DMXL2: variants seen among roughly 807,000 people sequenced by gnomAD.
The protein encoded by DMXL2 is Dmx like 2.
In DMXL2, 103 loss-of-function variants were observed where a neutral mutation model predicts 331.1. The observed-to-expected ratio is 0.31, with a 90% confidence interval of 0.27 to 0.37. The LOEUF is 0.37. DMXL2 is among the 10% of genes least tolerant of loss of function. The pLI is 1.00. For synonymous variants in DMXL2, 1,281 were observed against 1,252.1 expected (o/e 1.02, Z -0.49); for missense variants, 3,171 against 3,642.9 (o/e 0.87, Z 3.33).
chr15:51,513,761 G>T (rs1289308307), intron 15 of DMXL2, among the ~76,000 whole-genome samples: 1 of 151,938 alleles, frequency 6.6e-6, no homozygotes, highest in Non-Finnish European at 1.5e-5. Flanking sequence ...TTAAAGACAT[G>T]GCTTTTCAAA....
chr15:51,526,351 G>A (rs757638238), intron 13 of DMXL2, among the ~76,000 whole-genome samples: 1 of 152,174 alleles, frequency 6.6e-6, no homozygotes, highest in Non-Finnish European at 1.5e-5. Flanking sequence ...TAATGGGCTT[G>A]GGGTCCCCCC....
chr15:51,620,428 GAGT>G (rs1391482867), intron 1 of DMXL2, among the ~76,000 whole-genome samples: 7 of 152,298 alleles, frequency 4.6e-5, no homozygotes, highest in Admixed American at 4.6e-4. Flanking sequence ...ATGCAGTTTA[GAGT>G]AAGAAGATCA....
intron 1 of DMXL2, among the ~76,000 whole-genome samples, chr15:51,590,653 A>G (rs1231465254): frequency 6.6e-6 from 1 of 152,042 alleles, no homozygotes; most frequent in Non-Finnish European, 1.5e-5. Context: ...TCAGCCTCCC[A>G]AGTAGCTGAA....
chr15:51,465,441 C>T, intron 31 of DMXL2, 125 bp downstream of exon 31: 1 of 749,298 alleles, frequency 1.3e-6, no homozygotes, highest in South Asian at 1.6e-5. Flanking sequence ...ATAAACAAGA[C>T]TTTATAAAAT....
Position 51,605,701 on chromosome 15 carries a change from G to A in DMXL2, c.87+16758C>T, listed in dbSNP as rs1471767748. Reference sequence around the variant, plus strand: ...TGGGACTACAGGCGCCCGCCACCGCGCCCGGCTAATATTTTGTATTTTTAG... The same window carrying A: ...TGGGACTACAGGCGCCCGCCACCGCACCCGGCTAATATTTTGTATTTTTAG... On this transcript the variant is annotated intron_variant, in intron 1 of 43. Coordinates refer to ENST00000560891, the MANE Select transcript of DMXL2 (RefSeq NM_001378457.1). 4.5e-4 allele frequency among the ~76,000 whole-genome samples: 45 copies of A among 98,994 alleles called. 11 individuals are homozygous for A. The highest frequency in any genetic ancestry group is 3.4e-3 in the Admixed American group (32 of 9,324). 64.9% of individuals were successfully genotyped at this position (98,994 alleles called of 152,430 possible).
intron 13 of DMXL2, among the ~76,000 whole-genome samples, chr15:51,524,918 G>T (rs79631934): frequency 3.9e-4 from 60 of 152,046 alleles, no homozygotes; most frequent in African/African-American, 1.3e-3. Context: ...AGGCGGGATG[G>T]CTAAAAAAGT....
intron 1 of DMXL2, among the ~76,000 whole-genome samples, chr15:51,604,374 T>G (rs1403430821): frequency 6.9e-6 from 1 of 145,140 alleles, no homozygotes; most frequent in Admixed American, 6.8e-5. Context: ...AGTGTGGATA[T>G]CTACACTGAA....
chr15:51,551,495 T>C (rs568918011), intron 6 of DMXL2, among the ~76,000 whole-genome samples: 2 of 152,368 alleles, frequency 1.3e-5, no homozygotes, highest in Admixed American at 6.5e-5. Context: ...TATATTTTAC[T>C]ATGTTTCATA....
chr15:51,549,639 G>T (rs1447849106), intron 6 of DMXL2, among the ~76,000 whole-genome samples: 1 of 151,930 alleles, frequency 6.6e-6, no homozygotes, highest in Non-Finnish European at 1.5e-5. Context: ...TTGGTTTTTT[G>T]ATTATGGCCA....
At chr15:51,575,356 A>T (rs1177928195) in intron 2 of DMXL2, among the ~76,000 whole-genome samples, 1 of 152,170 alleles carries the variant, frequency 6.6e-6, no homozygotes, top group East Asian at 1.9e-4. Context: ...TGTTACAATG[A>T]TTACAGGTAA....
intron 37 of DMXL2, 57 bp downstream of exon 37, chr15:51,457,271 C>A (rs919386553): frequency 1.3e-6 from 2 of 1,568,892 alleles, no homozygotes; most frequent in African/African-American, 1.4e-5. Context: ...CAAAGAGATT[C>A]CAACTGATTT....
rs568116521 is a variant in DMXL2, at chr15:51,500,052, C to T, written c.3172G>A (p.Gly1058Arg). 1.2e-6 allele frequency: 2 copies of T among 1,614,104 alleles called. No individual in the cohort carries two copies. Among genetic ancestry groups the T allele is most frequent in the African/African-American group, 2.7e-5 (2 of 75,042 alleles). The change falls in exon 18 of 44, where the codon GGA becomes AGA. Residue 1058 changes from glycine (G) to arginine (R), a missense_variant. Gly to Arg is a moderately radical substitution (Grantham distance 125, BLOSUM62 -2). This residue lies in a region of DMXL2 where 1,674 missense variants were observed against 1,780.2 expected (regional missense o/e 0.94). Coordinates refer to ENST00000560891, the MANE Select transcript of DMXL2 (RefSeq NM_001378457.1). ...CTCACTGTACTGCTATTATCTTCTC[C>T]TTCATCATTCATCAAAGGCCATCTC... The part of the protein sequence containing the change: ...WKRWPLMNDE[G>R]EDNSSTVSIV...
intron 2 of DMXL2, among the ~76,000 whole-genome samples, chr15:51,573,661 TG>T (rs2050817637): frequency 1.3e-5 from 2 of 149,346 alleles, no homozygotes; most frequent in Non-Finnish European, 1.5e-5. Context: ...ACATGGACAC[TG>T]GGGGAAACAT....
rs544640604 is a variant in DMXL2 at position 51,516,380 on chromosome 15, T to C, written c.2526+698A>G. Reference sequence around the variant, plus strand: ...TAAAAAGTATATGTCCACTTGAATCTGACTTTCATCTGCATTTTAAAGGAC... The same window carrying C: ...TAAAAAGTATATGTCCACTTGAATCCGACTTTCATCTGCATTTTAAAGGAC... On this transcript the variant is annotated intron_variant, in intron 14 of 43. Transcript: ENST00000560891. Among the ~76,000 whole-genome samples the C allele has an allele frequency of 2.0e-5, 3 of 152,354 alleles. No homozygotes were observed. In the South Asian group the frequency reaches 6.2e-4, roughly 32 times the overall value.
intron 18 of DMXL2, among the ~76,000 whole-genome samples, chr15:51,495,761 A>G (rs1229643833): frequency 6.6e-6 from 1 of 152,146 alleles, no homozygotes; most frequent in East Asian, 1.9e-4. Flanking sequence ...ATAAAAGCAA[A>G]GCAAAAATAC....
intron 16 of DMXL2, among the ~76,000 whole-genome samples, chr15:51,506,868 T>C (rs2140548684): frequency 6.6e-6 from 1 of 152,360 alleles, no homozygotes; most frequent in South Asian, 2.1e-4. Context: ...AGTCATAATG[T>C]ACACTCAATA....
intron 33 of DMXL2, among the ~76,000 whole-genome samples, chr15:51,462,710 T>C (rs1304799841): frequency 6.6e-6 from 1 of 152,114 alleles, no homozygotes; most frequent in African/African-American, 2.4e-5. Flanking sequence ...CCCTCACTAA[T>C]TACCTCACTA....
intron 1 of DMXL2, among the ~76,000 whole-genome samples, chr15:51,592,861 T>C (rs1014517371): frequency 7.9e-5 from 12 of 152,108 alleles, no homozygotes; most frequent in African/African-American, 2.9e-4. Flanking sequence ...GACAAGCAAA[T>C]GCTGAGAGAT....
At chr15:51,576,293 G>A in intron 1 of DMXL2, 112 bp from the exon 2 acceptor site, 2 of 792,274 alleles carry the variant, frequency 2.5e-6, no homozygotes, top group Non-Finnish European at 3.6e-6. Flanking sequence ...GTATACCTTG[G>A]GACATTTTAC....
Sources: allele counts gnomAD v4.1 joint callset (sites outside exome capture counted in the v4.1 genomes callset), GRCh38; gene constraint gnomAD v4.1.1; regional missense constraint gnomAD v4.1.1; transcripts MANE v1.5; gene names NCBI Gene and HGNC (gene_info 2026-07-23, HGNC 2026-07-21).